Variants in AAK1 observed in about 807,000 individuals in gnomAD.
AAK1 encodes the protein AP2 associated kinase 1, also known as AP2-associated protein kinase 1.
In AAK1, 37 loss-of-function variants were observed where a neutral mutation model predicts 116.0. The observed-to-expected ratio is 0.32, with a 90% CI of 0.25 to 0.42. The LOEUF (loss-of-function observed/expected upper bound fraction) is 0.42. Ranked by LOEUF, AAK1 falls within the 10% of genes least tolerant of loss-of-function variation. The pLI, the probability that AAK1 is intolerant of heterozygous loss-of-function variation, is 1.00. For missense variants in AAK1, 919 were observed against 1,170.6 expected (o/e 0.79, Z 3.14); for synonymous variants, 458 against 439.9 (o/e 1.04, Z -0.51).
Position 69,531,553 on chromosome 2 carries a change from T to C in AAK1, c.656+488A>G, listed in dbSNP as rs1395652545. On this transcript the variant is annotated intron_variant, in intron 6 of 21. Coordinates refer to ENST00000409085, the MANE Select transcript of AAK1 (RefSeq NM_014911.5). ...ACAAATCTAAAGAAGCTTTTTATCA[T>C]GAAAGTCTGTGATTCAGTATCTGCA... The C allele has an allele frequency of 1.7e-5, 17 of 983,654 alleles. No individual in the cohort carries two copies. The South Asian group carries it at 2.4e-4, about 14-fold the overall frequency. 60.9% of individuals were successfully genotyped at this position (983,654 alleles called of 1,614,324 possible).
rs1466242683 is a variant in AAK1, at chr2:69,470,455, C to T, written c.*5414G>A. 2 of 985,304 alleles carry T rather than the reference C, an allele frequency of 2.0e-6. No homozygotes were observed. Among genetic ancestry groups the T allele is most frequent in the Non-Finnish European group, 2.4e-6 (2 of 829,950 alleles). The allele number at this position is 985,304 out of a possible 1,614,324, so 61.0% of individuals were successfully genotyped here. A position where few individuals can be genotyped will look rare whatever the true frequency, so the allele number is the denominator to read the frequency against. On this transcript the variant is annotated 3_prime_UTR_variant, in exon 22 of 22. Transcript: ENST00000409085. ...TTTGGTTCCACCATATATTAGGTAGCTGCATTAAAACCCACGACTGGGAAA... is the reference window on the plus strand; with the variant it reads ...TTTGGTTCCACCATATATTAGGTAGTTGCATTAAAACCCACGACTGGGAAA...
chr2:69,517,431 G>A (rs1010299431), intron 12 of AAK1, among the ~76,000 whole-genome samples: 2 of 151,900 alleles, frequency 1.3e-5, no homozygotes, highest in African/African-American at 4.8e-5. Flanking sequence ...GGATCAGACA[G>A]ACAACACCTC....
intron 4 of AAK1, 43 bp downstream of exon 4, chr2:69,544,393 T>A: frequency 2.0e-6 from 3 of 1,469,266 alleles, no homozygotes; most frequent in Non-Finnish European, 2.9e-6. Flanking sequence ...ACAATCAAAA[T>A]GCTAGAGAAA....
chr2:69,497,942 C>T (rs1437619447), intron 16 of AAK1, among the ~76,000 whole-genome samples: 1 of 152,110 alleles, frequency 6.6e-6, no homozygotes, highest in Non-Finnish European at 1.5e-5. Context: ...TTCTTTTCTT[C>T]TCCCCTCAGT....
At chr2:69,596,460 G>T (rs1673291690) in intron 2 of AAK1, among the ~76,000 whole-genome samples, 1 of 152,142 alleles carries the variant, frequency 6.6e-6, no homozygotes, top group African/African-American at 2.4e-5. Flanking sequence ...GACCTTAGGT[G>T]ATCCACCTGC....
intron 2 of AAK1, among the ~76,000 whole-genome samples, chr2:69,635,920 T>C (rs915734590): frequency 6.6e-6 from 1 of 152,202 alleles, no homozygotes; most frequent in Non-Finnish European, 1.5e-5. Flanking sequence ...TAAAAATGAT[T>C]AAGATAATAC....
chr2:69,594,681 T>C, intron 2 of AAK1: 1 of 593,980 alleles, frequency 1.7e-6, no homozygotes, highest in Non-Finnish European at 3.0e-6. Context: ...GAAGGAATTT[T>C]TTTTAAGTGA....
In AAK1 at chr2:69,518,991, C is replaced by G; in HGVS notation, c.1460G>C (p.Gly487Ala). 6.5e-7 allele frequency: 1 copy of G among 1,549,704 alleles called. No individual in the cohort carries two copies. Among genetic ancestry groups the G allele is most frequent in the Middle Eastern group, 2.1e-4 (1 of 4,784 alleles). Residue 487 changes from glycine (G) to alanine (A), a missense_variant, in exon 12 of 22, where the codon GGC becomes GCC. By Grantham distance (60) the Gly-to-Ala change is moderately conservative. Around this residue, in one of 4 missense-constraint regions of AAK1, gnomAD observed 214 missense variants for 210.6 expected, o/e 1.02. Coordinates refer to ENST00000409085, the MANE Select transcript of AAK1 (RefSeq NM_014911.5). ...QPPPAQQQPA[G>A]TFYQQQQAQT... The stretch of plus-strand genomic sequence containing the variant: ...GGCCTGCTGCTGCTGGTAAAACGTG[C>G]CTGCCGGCTGCTGCTGTGCTGGCGG...
intron 16 of AAK1, among the ~76,000 whole-genome samples, chr2:69,503,518 G>C (rs112578362): frequency 2.0e-5 from 3 of 152,090 alleles, no homozygotes; most frequent in African/African-American, 7.2e-5. Flanking sequence ...TAGAAGTTTT[G>C]TTTTTGTTTT....
intron 6 of AAK1, 73 bp from the exon 7 acceptor site, chr2:69,530,779 T>G (rs1024184470): frequency 2.0e-5 from 24 of 1,188,488 alleles, no homozygotes; most frequent in Admixed American, 1.5e-4. Context: ...GCAGAAATAC[T>G]TTTTTTCTTT....
intron 13 of AAK1, among the ~76,000 whole-genome samples, chr2:69,512,476 T>C (rs1055693247): frequency 6.6e-6 from 1 of 152,222 alleles, no homozygotes; most frequent in Non-Finnish European, 1.5e-5. Flanking sequence ...GCAATTTAGG[T>C]TGCTTCCAAA....
At chr2:69,506,938 T>A (rs1396817392) in intron 15 of AAK1, among the ~76,000 whole-genome samples, 2 of 152,026 alleles carry the variant, frequency 1.3e-5, no homozygotes, top group South Asian at 2.1e-4. Context: ...CAGAAGTATA[T>A]CTTCTATTTA....
chr2:69,554,270 T>C (rs1161095309), intron 3 of AAK1, among the ~76,000 whole-genome samples: 3 of 152,064 alleles, frequency 2.0e-5, no homozygotes, highest in Non-Finnish European at 4.4e-5. Flanking sequence ...ATCTTGAAGA[T>C]GATAAAACAG....
intron 2 of AAK1, among the ~76,000 whole-genome samples, chr2:69,638,636 AAC>A (rs1398300852): frequency 1.3e-5 from 2 of 152,110 alleles, no homozygotes; most frequent in Non-Finnish European, 2.9e-5. Context: ...GGTAACACTA[AAC>A]TAGTCAGTAT....
chr2:69,543,581 T>C (rs1670811435), intron 4 of AAK1, among the ~76,000 whole-genome samples: 1 of 152,132 alleles, frequency 6.6e-6, no homozygotes, highest in Non-Finnish European at 1.5e-5. Flanking sequence ...CTAATTTTTG[T>C]ATTTTTAGTA....
At chr2:69,641,997 A>T (rs1675749034) in intron 2 of AAK1, among the ~76,000 whole-genome samples, 1 of 152,168 alleles carries the variant, frequency 6.6e-6, no homozygotes, top group Non-Finnish European at 1.5e-5. Context: ...GAAAAGTATG[A>T]GTCTGGCATA....
At chr2:69,556,692 G>A (rs1198843981) in intron 3 of AAK1, among the ~76,000 whole-genome samples, 168 bp downstream of exon 3, 1 of 152,088 alleles carries the variant, frequency 6.6e-6, no homozygotes, top group Non-Finnish European at 1.5e-5. Flanking sequence ...AGCTGAGAGT[G>A]ACCAAGGCAA....
intron 2 of AAK1, among the ~76,000 whole-genome samples, chr2:69,596,276 A>G (rs1673280930): frequency 6.7e-6 from 1 of 148,628 alleles, no homozygotes; most frequent in Non-Finnish European, 1.5e-5. Flanking sequence ...GCTCAAGTGC[A>G]GTGGCGCCAT....
At chr2:69,635,332 T>G (rs140532784) in intron 2 of AAK1, among the ~76,000 whole-genome samples, 1 of 152,218 alleles carries the variant, frequency 6.6e-6, no homozygotes, top group Non-Finnish European at 1.5e-5. Context: ...GGAACCTTTG[T>G]GCACTGTTGA....
Sources: gnomAD v4.1 joint callset for allele counts (sites outside exome capture counted in the v4.1 genomes callset) on GRCh38, gnomAD v4.1.1 for gene constraint, gnomAD v4.1.1 regional missense constraint, MANE v1.5 for transcripts, NCBI Gene and HGNC (gene_info 2026-07-23, HGNC 2026-07-21) for gene names.